Variants in TRIM50 observed in about 807,000 individuals in gnomAD.
TRIM50 encodes tripartite motif containing 50.
In TRIM50, 34 loss-of-function variants were observed where a neutral mutation model predicts 44.9. That is an observed-to-expected ratio of 0.76 (90% CI 0.58 to 1.01). The LOEUF is 1.01. Ranked by LOEUF, TRIM50 falls within the 50% of genes least tolerant of loss-of-function variation. The pLI is 0.00. For synonymous variants in TRIM50, 307 were observed against 291.1 expected, an observed-to-expected ratio of 1.05 and a Z score of -0.56; for missense variants, 633 against 663.7, an observed-to-expected ratio of 0.95 and a Z score of 0.51.
At chr7:73,324,303 C>T (rs1181692659) in intron 2 of TRIM50, 86 bp downstream of exon 2, 6 of 1,602,032 alleles carry the variant, frequency 3.7e-6, no homozygotes, top group East Asian at 4.5e-5. Context: ...TAGCTGGATC[C>T]TTTTGGTGCC....
rs1387198103 is a variant in TRIM50 at position 73,327,980 on chromosome 7, A to G, written c.-99T>C. 3.5e-6 allele frequency: 2 copies of G among 573,522 alleles called. No homozygotes were observed. The highest frequency in any genetic ancestry group is 3.1e-5 in the Admixed American group (1 of 32,676). 35.5% of individuals were successfully genotyped at this position (573,522 alleles called of 1,614,324 possible). On this transcript the variant is annotated 5_prime_UTR_variant, in exon 1 of 7. Transcript: ENST00000333149. The stretch of plus-strand genomic sequence containing the variant: ...GCCCCATCCTGCCCCGCGAGCTCCA[A>G]TTACGTGCCCCACCTAACCCCCCAC...
chr7:73,314,245 CA>C, intron 6 of TRIM50: 1 of 320,814 alleles, frequency 3.1e-6, no homozygotes, highest in Non-Finnish European at 5.9e-6. Flanking sequence ...ACTTCCAGGC[CA>C]AAACGGACCT....
intron 5 of TRIM50, among the ~76,000 whole-genome samples, 185 bp downstream of exon 5, chr7:73,318,502 C>A (rs1295039218): frequency 6.6e-6 from 1 of 152,180 alleles, no homozygotes; most frequent in Non-Finnish European, 1.5e-5. Context: ...GCCTCCCCAC[C>A]CATCTACGAG....
intron 1 of TRIM50, among the ~76,000 whole-genome samples, chr7:73,325,229 T>C (rs537099203): frequency 1.3e-5 from 2 of 152,224 alleles, no homozygotes; most frequent in East Asian, 1.9e-4. Flanking sequence ...TTCGGGAAAC[T>C]GTTGAAAGCA....
chr7:73,324,337 G>C (rs782811925), intron 2 of TRIM50, 52 bp downstream of exon 2: 4 of 1,613,184 alleles, frequency 2.5e-6, no homozygotes, highest in Non-Finnish European at 2.5e-6. Flanking sequence ...AGAGAGCACA[G>C]GATCTGGTCC....
chr7:73,315,644 C>T (rs562490004), intron 6 of TRIM50, among the ~76,000 whole-genome samples: 18 of 152,194 alleles, frequency 1.2e-4, no homozygotes, highest in Middle Eastern at 6.8e-3. Context: ...CGTGAGCCGC[C>T]GTGCCCAGCC....
intron 1 of TRIM50, among the ~76,000 whole-genome samples, chr7:73,326,059 T>TA (rs1429276599): frequency 6.6e-6 from 1 of 152,132 alleles, no homozygotes; most frequent in East Asian, 1.9e-4. Flanking sequence ...AGCTAATATT[T>TA]AAAAAATTTT....
At position 73,324,450 on chromosome 7, in the gene TRIM50, A is replaced by T. The variant is rs782284685; in HGVS notation, c.338T>A (p.Leu113Gln). 23 of 1,613,540 alleles carry T rather than the reference A, an allele frequency of 1.4e-5. No individual in the cohort carries two copies. Among genetic ancestry groups the T allele is most frequent in the Non-Finnish European group, 1.9e-5 (22 of 1,180,032 alleles). The change falls in exon 2 of 7, where the codon CTG becomes CAG. Residue 113 changes from leucine to glutamine, a missense_variant. Leu to Gln is a moderately radical substitution (Grantham distance 113, BLOSUM62 -2). Coordinates refer to ENST00000333149, the MANE Select transcript of TRIM50 (RefSeq NM_178125.3). ...DQELICGLCG[L>Q]LGSHQHHPVT... ...CGGGTGGTGTTGGTGGGAGCCCAGCAGACCGCAGAGGCCACAGATGAGCTC... is the reference window on the plus strand; with the variant it reads ...CGGGTGGTGTTGGTGGGAGCCCAGCTGACCGCAGAGGCCACAGATGAGCTC...
Position 73,316,701 on chromosome 7 carries a change from A to G in TRIM50, c.750-12T>C, listed in dbSNP as rs1804369513. On this transcript the variant is annotated splice_polypyrimidine_tract_variant and intron_variant, in intron 5 of 6. Coordinates refer to ENST00000333149, the MANE Select transcript of TRIM50 (RefSeq NM_178125.3). ...GCGGCATCTCTGCTCTGCAGGTGAC[A>G]GTTCACAGTACAAGAGAGTGAGGTA... 2 of 1,613,304 alleles carry G rather than the reference A, an allele frequency of 1.2e-6. No individual in the cohort carries two copies. Among genetic ancestry groups the G allele is most frequent in the East Asian group, 2.2e-5 (1 of 44,870 alleles).
chr7:73,313,429 C>T lies in TRIM50; in HGVS notation c.956G>A (p.Gly319Glu), dbSNP rs1554543565. ...GCTGGCTCGCCGCTGGGCCAGAAGC[C>T]CGCACTGCACCACCGTGTTGCCCTT... ...LSKGNTVVQC[G>E]LLAQRRASQP... The change falls in exon 7 of 7, where the codon GGG (glycine) becomes GAG (glutamate). Residue 319 changes from glycine (G) to glutamate (E), a missense_variant. Gly to Glu is a moderately conservative substitution (Grantham distance 98, BLOSUM62 -2). Transcript: ENST00000333149. This position sits in a 1 kb window ranked among gnomAD's most constrained non-coding sequence, Gnocchi z 4.9. 5 of 1,564,584 alleles carry T rather than the reference C, an allele frequency of 3.2e-6. No homozygotes were observed. The South Asian group carries it at 5.8e-5, about 18-fold the overall frequency.
chr7:73,327,700 A>G (rs1388628514), intron 1 of TRIM50, among the ~76,000 whole-genome samples, 200 bp downstream of exon 1: 7 of 151,656 alleles, frequency 4.6e-5, no homozygotes, highest in Non-Finnish European at 7.4e-5. Flanking sequence ...CCACGCAGCC[A>G]CTCCGAGGGC....
rs782287255 is a variant in TRIM50 at position 73,324,641 on chromosome 7, G to A, written c.147C>T (p.Ala49=). ...GCCGGCACACGGGGCAGCGCAGCTC[G>A]GCATCCAGGTGGCAGGACAGGGAAA... ...CLVSLSCHLD[A]ELRCPVCRQA... is the part of the protein sequence containing the mutation. The change falls in exon 2 of 7, where the codon GCC becomes GCT. Residue 49 remains alanine, a synonymous_variant. Transcript: ENST00000333149. 4.3e-6 allele frequency: 7 copies of A among 1,614,088 alleles called. No individual in the cohort carries two copies. Among genetic ancestry groups the A allele is most frequent in the South Asian group, 2.2e-5 (2 of 91,086 alleles).
chr7:73,319,003 A>G lies in TRIM50; in HGVS notation c.545T>C (p.Leu182Pro), dbSNP rs1804429617. ...SWVIRREFQE[L>P]HHLVDEEKAR... is the part of the protein sequence containing the mutation. ...CTTCTCCTCATCCACCAGGTGGTGC[A>G]GCTCCTGGAACTCGCGGCGGATCAC... The change falls in exon 4 of 7, where the codon CTG becomes CCG. Residue 182 changes from leucine to proline, a missense_variant. Physicochemically the swap from Leu to Pro is moderately conservative, Grantham distance 98 (BLOSUM62 -3). Transcript: ENST00000333149. 8.1e-6 allele frequency: 13 copies of G among 1,613,884 alleles called. No individual in the cohort carries two copies. Among genetic ancestry groups the G allele is most frequent in the Non-Finnish European group, 1.1e-5 (13 of 1,179,872 alleles).
In TRIM50 at chr7:73,316,419, G is replaced by C. The variant is rs1489563128; in HGVS notation, c.874+146C>G. On this transcript the variant is annotated intron_variant, in intron 6 of 6. Coordinates refer to ENST00000333149, the MANE Select transcript of TRIM50 (RefSeq NM_178125.3). ...GAGTAAGCAGGAACCCAAGCTGTTC[G>C]GAAACTCAGTCCCATGCTCTCACTA... is the stretch of plus-strand genomic sequence containing the variant. 4 of 1,127,524 alleles carry C rather than the reference G, an allele frequency of 3.5e-6. No homozygotes were observed. The South Asian group carries it at 7.1e-5, about 20-fold the overall frequency. The allele number at this position is 1,127,524 out of a possible 1,614,324, so 69.8% of individuals were successfully genotyped here.
intron 1 of TRIM50, among the ~76,000 whole-genome samples, chr7:73,326,962 T>G (rs1271368122): frequency 9.2e-5 from 14 of 152,162 alleles, no homozygotes; most frequent in African/African-American, 3.4e-4. Context: ...GCTAATTCTT[T>G]GTAATTTTAG....
chr7:73,325,756 G>C (rs1804609077), intron 1 of TRIM50, among the ~76,000 whole-genome samples: 1 of 152,230 alleles, frequency 6.6e-6, no homozygotes, highest in African/African-American at 2.4e-5. Flanking sequence ...GGCCACTGTG[G>C]AGGAGGGGCA....
At chr7:73,318,732 G>C in intron 4 of TRIM50, 23 bp from the exon 5 acceptor site, 1 of 1,614,020 alleles carries the variant, frequency 6.2e-7, no homozygotes, top group Non-Finnish European at 8.5e-7. Context: ...AGAGAGGGAG[G>C]TTAAGGCTAG....
intron 2 of TRIM50, among the ~76,000 whole-genome samples, chr7:73,324,150 A>C (rs1804557264): frequency 6.6e-6 from 1 of 152,206 alleles, no homozygotes; most frequent in African/African-American, 2.4e-5. Flanking sequence ...AACTGCAAAT[A>C]AAAAAACAGG....
intron 6 of TRIM50, chr7:73,314,680 G>T: frequency 4.4e-6 from 1 of 225,326 alleles, no homozygotes; most frequent in Non-Finnish European, 8.8e-6. Context: ...GAAAAACCCC[G>T]TCTCTACTAA....
Sources: gnomAD v4.1 joint callset for allele counts (sites outside exome capture counted in the v4.1 genomes callset) on GRCh38, gnomAD v4.1.1 for gene constraint, Gnocchi (gnomAD v3.1) non-coding constraint, MANE v1.5 for transcripts, NCBI Gene and HGNC (gene_info 2026-07-23, HGNC 2026-07-21) for gene names.